Variants in ZRANB3 observed in about 807,000 individuals in gnomAD.
ZRANB3 encodes the protein zinc finger RANBP2-type containing 3, also known as DNA annealing helicase and endonuclease ZRANB3.
In ZRANB3, 125 loss-of-function variants were observed where a neutral mutation model predicts 133.8. The observed-to-expected ratio is 0.93, with a 90% CI of 0.81 to 1.08. The LOEUF is 1.08. Ranked by LOEUF, ZRANB3 falls within the 50% of genes least tolerant of loss-of-function variation. ZRANB3 has a pLI of 0.00. For missense variants in ZRANB3, 1,229 were observed against 1,275.5 expected (o/e 0.96, Z 0.56); for synonymous variants, 387 against 432.7 (o/e 0.89, Z 1.31).
rs1005654953 is a variant in ZRANB3, at chr2:135,392,754, CACA to C, written c.162-1937_162-1935del. 1.7e-3 allele frequency among the ~76,000 whole-genome samples: 264 copies of C among 151,932 alleles called. 1 individual carries two copies. Among genetic ancestry groups the C allele is most frequent in the African/African-American group, 5.9e-3 (246 of 41,450 alleles). On this transcript the variant is annotated intron_variant, in intron 2 of 20. Coordinates refer to ENST00000264159, the MANE Select transcript of ZRANB3 (RefSeq NM_032143.4). The stretch of plus-strand genomic sequence containing the variant: ...CAGAGTGAGACTCCGTCTCAAAAAC[CACA>C]ACAACAACAACAACAACAAATTAAG...
At chr2:135,508,788 A>G (rs1271055916) in intron 1 of ZRANB3, among the ~76,000 whole-genome samples, 3 of 152,160 alleles carry the variant, frequency 2.0e-5, no homozygotes, top group African/African-American at 7.2e-5. Flanking sequence ...ATGTAGGTTC[A>G]GCCATATAGG....
At chr2:135,390,159 G>A (rs981835805) in intron 3 of ZRANB3, among the ~76,000 whole-genome samples, 6 of 152,072 alleles carry the variant, frequency 3.9e-5, no homozygotes, top group African/African-American at 1.4e-4. Context: ...GATTACAGGC[G>A]TGAGCCACTG....
intron 2 of ZRANB3, among the ~76,000 whole-genome samples, chr2:135,453,033 G>A (rs963511273): frequency 5.3e-5 from 8 of 152,242 alleles, no homozygotes; most frequent in South Asian, 2.1e-4. Context: ...CTGGGCATGC[G>A]GGTGTTTCCA....
intron 12 of ZRANB3, among the ~76,000 whole-genome samples, chr2:135,237,184 G>A (rs6714274): frequency 0.3 from 44,892 of 149,996 alleles, 10,123 homozygotes; most frequent in African/African-American, 0.64. Flanking sequence ...AAAGACACAT[G>A]AAAAAATGCT....
chr2:135,498,786 G>A (rs1482917818), intron 2 of ZRANB3, among the ~76,000 whole-genome samples: 15 of 152,262 alleles, frequency 9.9e-5, no homozygotes, highest in Admixed American at 2.6e-4. Context: ...TACGGTTGTA[G>A]ATAAGGGATG....
chr2:135,425,331 T>A (rs867871980), intron 2 of ZRANB3, among the ~76,000 whole-genome samples: 141 of 152,208 alleles, frequency 9.3e-4, no homozygotes, highest in African/African-American at 3.0e-3. Context: ...ATCTAAAAGA[T>A]AAAAATGATA....
chr2:135,494,596 C>T (rs888920067), intron 2 of ZRANB3, among the ~76,000 whole-genome samples: 4 of 152,038 alleles, frequency 2.6e-5, no homozygotes, highest in African/African-American at 9.7e-5. Flanking sequence ...CTGTGAGAAG[C>T]AAAAATAGTA....
chr2:135,470,875 C>T (rs1385738647), intron 2 of ZRANB3, among the ~76,000 whole-genome samples: 1 of 149,390 alleles, frequency 6.7e-6, no homozygotes, highest in African/African-American at 2.5e-5. Context: ...AATCTCGACT[C>T]ACTGCAAGCT....
In ZRANB3 at chr2:135,219,179, C is replaced by A; in HGVS notation, c.2251-1G>T. 6.6e-7 allele frequency: 1 copy of A among 1,512,218 alleles called. No individual in the cohort carries two copies. The highest frequency in any genetic ancestry group is 8.8e-7 in the Non-Finnish European group (1 of 1,135,554). 93.7% of individuals were successfully genotyped at this position (1,512,218 alleles called of 1,614,324 possible). On this transcript the variant is annotated splice_acceptor_variant, in intron 15 of 20. Transcript: ENST00000264159. LOFTEE classifies it high-confidence loss of function. ...AATTACAGCTCATCTGTTTTCCATC[C>A]TGATGATAGATTAGGAAGACACTAA... is the stretch of plus-strand genomic sequence containing the variant.
intron 2 of ZRANB3, among the ~76,000 whole-genome samples, chr2:135,444,111 CAA>C (rs34954609): frequency 7.0e-6 from 1 of 142,606 alleles, no homozygotes; most frequent in Admixed American, 6.9e-5. Context: ...ATCAAAAAGA[CAA>C]AAAAAAAAGC....
At chr2:135,526,549 T>G (rs1251454124) in intron 1 of ZRANB3, among the ~76,000 whole-genome samples, 2 of 152,228 alleles carry the variant, frequency 1.3e-5, no homozygotes, top group Non-Finnish European at 2.9e-5. Flanking sequence ...AGGGGGGTTT[T>G]ATTTGAAACT....
At chr2:135,335,646 T>G (rs1224613578) in intron 6 of ZRANB3, among the ~76,000 whole-genome samples, 1 of 152,000 alleles carries the variant, frequency 6.6e-6, no homozygotes, top group Non-Finnish European at 1.5e-5. Flanking sequence ...TGAGCAGAGA[T>G]TGCACCACTG....
chr2:135,259,150 G>T (rs1679815654), intron 12 of ZRANB3, among the ~76,000 whole-genome samples: 1 of 151,646 alleles, frequency 6.6e-6, no homozygotes, highest in South Asian at 2.1e-4. Context: ...CTCCCAAGTG[G>T]CTGGGACTAC....
chr2:135,418,653 C>T (rs1174870326), intron 2 of ZRANB3, among the ~76,000 whole-genome samples: 1 of 152,066 alleles, frequency 6.6e-6, no homozygotes, highest in Non-Finnish European at 1.5e-5. Context: ...TGGATGATAG[C>T]CTCAGGAATT....
intron 2 of ZRANB3, among the ~76,000 whole-genome samples, chr2:135,479,010 G>A (rs1471765782): frequency 6.7e-6 from 1 of 149,668 alleles, no homozygotes; most frequent in Non-Finnish European, 1.5e-5. Flanking sequence ...CACATACGTA[G>A]ACACTGCCAA....
chr2:135,232,544 C>T (rs1695080704), intron 12 of ZRANB3, among the ~76,000 whole-genome samples: 1 of 152,238 alleles, frequency 6.6e-6, no homozygotes, highest in Admixed American at 6.5e-5. Context: ...AGGCAGCCCC[C>T]AGTAGGGGCA....
At chr2:135,520,748 C>A (rs988639144) in intron 1 of ZRANB3, among the ~76,000 whole-genome samples, 12 of 151,908 alleles carry the variant, frequency 7.9e-5, no homozygotes, top group Admixed American at 6.6e-4. Context: ...CTGCGCCCAG[C>A]TAATTTTTGT....
chr2:135,349,588 A>G (rs550095437), intron 5 of ZRANB3, among the ~76,000 whole-genome samples: 5 of 152,364 alleles, frequency 3.3e-5, no homozygotes, highest in South Asian at 2.1e-4. Flanking sequence ...AAGAACAGAC[A>G]GAAGCTCTGA....
At chr2:135,245,951 GAC>G (rs1553461046) in intron 12 of ZRANB3, among the ~76,000 whole-genome samples, 4 of 86,018 alleles carry the variant, frequency 4.7e-5, no homozygotes, top group Non-Finnish European at 8.0e-5. Flanking sequence ...AAAAAAAAGA[GAC>G]AGGGTTTCAC....
Sources: gnomAD v4.1 joint callset for allele counts (sites outside exome capture counted in the v4.1 genomes callset) on GRCh38, gnomAD v4.1.1 for gene constraint, MANE v1.5 for transcripts, NCBI Gene and HGNC (gene_info 2026-07-23, HGNC 2026-07-21) for gene names.